ACP7: variants seen among roughly 807,000 people sequenced by gnomAD.
The protein encoded by ACP7 is acid phosphatase 7, tartrate resistant (putative), also known as acid phosphatase type 7.
A neutral mutation model predicts 60.6 loss-of-function variants in ACP7; 58 were observed. The ratio of observed to expected loss-of-function variants is 0.96; its 90% confidence interval spans 0.77 to 1.19. The LOEUF is 1.19. ACP7 is among the 50% of genes most tolerant of loss of function. The pLI, the probability that ACP7 is intolerant of heterozygous loss-of-function variation, is 0.00. For synonymous variants in ACP7, 237 were observed against 232.6 expected (o/e 1.02, Z -0.17); for missense variants, 574 against 596.2 (o/e 0.96, Z 0.39).
intron 11 of ACP7, 119 bp downstream of exon 11, chr19:39,101,656 C>T: frequency 8.6e-7 from 1 of 1,167,914 alleles, no homozygotes; most frequent in Non-Finnish European, 1.2e-6. Context: ...ACCCTCAGCC[C>T]TAAGGTCGGG....
chr19:39,087,646 T>G (rs2073158188), intron 2 of ACP7, among the ~76,000 whole-genome samples: 2 of 151,292 alleles, frequency 1.3e-5, no homozygotes, highest in African/African-American at 4.9e-5. Flanking sequence ...TTTTTTTTTT[T>G]TTTTTGAGAT....
intron 2 of ACP7, among the ~76,000 whole-genome samples, chr19:39,092,901 C>T (rs2073219919): frequency 6.6e-6 from 1 of 151,180 alleles, no homozygotes; most frequent in African/African-American, 2.4e-5. Flanking sequence ...TCTCAGCCTC[C>T]TGAGTAGCTG....
At position 39,109,438 on chromosome 19, in the gene ACP7, G is replaced by T. The variant is rs531651626; in HGVS notation, c.1252-615G>T. ...GGCCACCTAGAGGGTGGATGCGCTG[G>T]CCAGGTGCAGCAGCTCATGCCTTTG... On this transcript the variant is annotated intron_variant, in intron 12 of 12. Transcript: ENST00000331256. Among the ~76,000 whole-genome samples, 717 of 152,190 alleles carry T rather than the reference G, an allele frequency of 4.7e-3. 4 individuals are homozygous for T. The highest frequency in any genetic ancestry group is 8.0e-3 in the Non-Finnish European group (547 of 68,010).
At chr19:39,106,423 C>T (rs1467371461) in intron 11 of ACP7, among the ~76,000 whole-genome samples, 1 of 152,196 alleles carries the variant, frequency 6.6e-6, no homozygotes, top group Non-Finnish European at 1.5e-5. Flanking sequence ...TAGTGGGCAG[C>T]CTTACACAGC....
intron 4 of ACP7, 72 bp from the exon 5 acceptor site, chr19:39,100,155 C>G: frequency 6.3e-7 from 1 of 1,584,674 alleles, no homozygotes; most frequent in Non-Finnish European, 8.6e-7. Flanking sequence ...AGTCACCATA[C>G]CTGGCTCTCT....
intron 2 of ACP7, among the ~76,000 whole-genome samples, chr19:39,092,146 G>A (rs1342578733): frequency 6.6e-6 from 1 of 152,024 alleles, no homozygotes; most frequent in African/African-American, 2.4e-5. Context: ...GCAGAGGCAG[G>A]TGGATCACCT....
intron 11 of ACP7, among the ~76,000 whole-genome samples, chr19:39,104,439 G>T (rs1242934661): frequency 6.6e-6 from 1 of 152,102 alleles, no homozygotes; most frequent in Non-Finnish European, 1.5e-5. Context: ...CAGAATCCCT[G>T]GCATTGATCT....
chr19:39,095,913 T>C (rs2073260104), intron 2 of ACP7, among the ~76,000 whole-genome samples: 1 of 152,196 alleles, frequency 6.6e-6, no homozygotes, highest in African/African-American at 2.4e-5. Flanking sequence ...CCAAGCTCTA[T>C]GTTGTCCCCT....
chr19:39,101,614 T>C, intron 11 of ACP7, 77 bp downstream of exon 11: 2 of 1,468,234 alleles, frequency 1.4e-6, no homozygotes, highest in Non-Finnish European at 9.3e-7. Flanking sequence ...CCAGACTGAG[T>C]GCTGGGTGCT....
intron 11 of ACP7, among the ~76,000 whole-genome samples, chr19:39,102,785 C>CTCTCTT (rs1555769509): frequency 1.8e-4 from 21 of 117,514 alleles, no homozygotes; most frequent in East Asian, 9.6e-4. Flanking sequence ...CTCTCTTTCT[C>CTCTCTT]TCTCTCTCTT....
chr19:39,100,804 GC>G lies in ACP7; in HGVS notation c.760del (p.Arg254AlafsTer124), dbSNP rs2073332452. The G allele has an allele frequency of 5.0e-6, 8 of 1,613,876 alleles. No homozygotes were observed. The highest frequency in any genetic ancestry group is 6.8e-6 in the Non-Finnish European group (8 of 1,179,960). The stretch of plus-strand genomic sequence containing the variant: ...GAGGTCTATTTCTTTCTCCATTATG[GC>G]CGCCACTTGGTACAGAGGCAGTTTC... ...STEVYFFLHY[G>X]RHLVQRQFRW... On this transcript the variant is annotated frameshift_variant, in exon 7 of 13. Coordinates refer to ENST00000331256, the MANE Select transcript of ACP7 (RefSeq NM_001004318.3). LOFTEE classifies it high-confidence loss of function.
At chr19:39,107,657 G>C (rs929191547) in intron 12 of ACP7, among the ~76,000 whole-genome samples, 1 of 151,462 alleles carries the variant, frequency 6.6e-6, no homozygotes, top group Non-Finnish European at 1.5e-5. Context: ...AGGCTGAGGT[G>C]GGCAGATCAC....
intron 12 of ACP7, among the ~76,000 whole-genome samples, chr19:39,108,327 G>A (rs1045709883): frequency 2.0e-5 from 3 of 151,812 alleles, no homozygotes; most frequent in African/African-American, 7.3e-5. Flanking sequence ...TTTTAGTAGA[G>A]ACAGGGTTTC....
rs1459688379 is a variant in ACP7 at position 39,085,288 on chromosome 19, T to C, written c.19T>C (p.Tyr7His). MHPLPG[Y>H]WSCYCLLLLF... ...CACCACCATGCACCCCCTTCCTGGCTACTGGTCCTGTTACTGTCTACTCCT... is the reference window on the plus strand; with the variant it reads ...CACCACCATGCACCCCCTTCCTGGCCACTGGTCCTGTTACTGTCTACTCCT... The change falls in exon 2 of 13, where the codon TAC (tyrosine) becomes CAC (histidine). Residue 7 changes from tyrosine (Y) to histidine (H), a missense_variant. Tyr to His is a moderately conservative substitution (Grantham distance 83). Transcript: ENST00000331256. The C allele has an allele frequency of 1.2e-6, 2 of 1,613,294 alleles. No individual in the cohort carries two copies. The highest frequency in any genetic ancestry group is 2.2e-5 in the East Asian group (1 of 44,858).
intron 2 of ACP7, 90 bp from the exon 3 acceptor site, chr19:39,098,368 C>A: frequency 1.0e-6 from 1 of 958,594 alleles, no homozygotes; most frequent in Non-Finnish European, 1.5e-6. Flanking sequence ...AACTGTTCAA[C>A]AGTGGTCAAC....
chr19:39,102,118 T>A lies in ACP7; in HGVS notation c.1113+581T>A, dbSNP rs942183453. Among the ~76,000 whole-genome samples, 23 of 133,006 alleles carry A rather than the reference T, an allele frequency of 1.7e-4. No individual in the cohort carries two copies. The South Asian group carries it at 2.4e-3, about 14-fold the overall frequency. 87.3% of individuals were successfully genotyped at this position (133,006 alleles called of 152,430 possible). On this transcript the variant is annotated intron_variant, in intron 11 of 12. Transcript: ENST00000331256. ...CTGGGCAACAAAATGAGACCCTTTC[T>A]CTCACACACACACACACACACACAC...
chr19:39,106,102 T>C (rs897400033), intron 11 of ACP7, among the ~76,000 whole-genome samples: 1 of 152,294 alleles, frequency 6.6e-6, no homozygotes, highest in East Asian at 1.9e-4. Context: ...GGGTGCAAAA[T>C]GGTGATTTTC....
At chr19:39,108,563 G>A (rs537050882) in intron 12 of ACP7, among the ~76,000 whole-genome samples, 5 of 152,158 alleles carry the variant, frequency 3.3e-5, no homozygotes, top group African/African-American at 7.2e-5. Flanking sequence ...AGAAGAGTGC[G>A]GAACTTGGTA....
rs755391344 is a variant in ACP7, at chr19:39,098,454, C to T, written c.122-4C>T. The T allele has an allele frequency of 1.3e-6, 2 of 1,541,084 alleles. No individual in the cohort carries two copies. Among genetic ancestry groups the T allele is most frequent in the Non-Finnish European group, 1.7e-6 (2 of 1,146,082 alleles). On this transcript the variant is annotated splice_region_variant and splice_polypyrimidine_tract_variant and intron_variant, in intron 2 of 12. Coordinates refer to ENST00000331256, the MANE Select transcript of ACP7 (RefSeq NM_001004318.3). ...CGGTCTACCCTCTGTCCCTTTCTCCCCAGGTGAGCCAGGCTCCATGACTGT... is the reference window on the plus strand; with the variant it reads ...CGGTCTACCCTCTGTCCCTTTCTCCTCAGGTGAGCCAGGCTCCATGACTGT...
Sources: gnomAD v4.1 joint callset for allele counts (sites outside exome capture counted in the v4.1 genomes callset) on GRCh38, gnomAD v4.1.1 for gene constraint, MANE v1.5 for transcripts, NCBI Gene and HGNC (gene_info 2026-07-23, HGNC 2026-07-21) for gene names.